XKR4: variants seen among roughly 807,000 people sequenced by gnomAD.
XKR4 encodes the protein XK-related protein 4.
XKR4 carries 12 observed loss-of-function variants against 53.9 expected under a neutral mutation model. That is an observed-to-expected ratio of 0.22 (90% CI 0.14 to 0.36). XKR4 has a LOEUF of 0.36. Ranked by LOEUF, XKR4 falls within the 10% of genes least tolerant of loss-of-function variation. The probability of loss-of-function intolerance (pLI) is 1.00; values close to 1 mark genes in which losing one functional copy is unlikely to be tolerated. For missense variants in XKR4, 799 were observed against 859.5 expected, an observed-to-expected ratio of 0.93 and a Z score of 0.88; for synonymous variants, 354 against 362.4, an observed-to-expected ratio of 0.98 and a Z score of 0.26.
chr8:55,218,507 T>C (rs1352617171), intron 1 of XKR4, among the ~76,000 whole-genome samples: 1 of 152,206 alleles, frequency 6.6e-6, no homozygotes, highest in Non-Finnish European at 1.5e-5. Context: ...AAACAAAAAT[T>C]ACCACCAGAA....
At chr8:55,183,947 T>C (rs1488832383) in intron 1 of XKR4, among the ~76,000 whole-genome samples, 1 of 152,194 alleles carries the variant, frequency 6.6e-6, no homozygotes, top group African/African-American at 2.4e-5. Flanking sequence ...ATGGCTACCT[T>C]TCCCCTCCCC....
chr8:55,344,875 C>A (rs1563328973), intron 1 of XKR4, among the ~76,000 whole-genome samples: 1 of 152,192 alleles, frequency 6.6e-6, no homozygotes, highest in Non-Finnish European at 1.5e-5. Context: ...AGTAACTACT[C>A]ATGTAAAAAA....
Position 55,156,302 on chromosome 8 carries a change from A to G in XKR4, c.806+53008A>G, listed in dbSNP as rs184816990. Among the ~76,000 whole-genome samples, 524 of 152,174 alleles carry G rather than the reference A, an allele frequency of 3.4e-3. 5 individuals are homozygous for G. The highest frequency in any genetic ancestry group is 0.012 in the African/African-American group (492 of 41,498). On this transcript the variant is annotated intron_variant, in intron 1 of 2. Transcript: ENST00000327381. ...GCAATAAATGTAAGAAAAAAACATG[A>G]AAATATGCAATAATTTTGAATCCAA...
chr8:55,396,418 T>TTTTTTTTG (rs1804520025), intron 2 of XKR4, among the ~76,000 whole-genome samples: 2 of 133,154 alleles, frequency 1.5e-5, no homozygotes, highest in African/African-American at 5.2e-5. Flanking sequence ...TTTTTTTTTT[T>TTTTTTTTG]GCAGAGGATG....
chr8:55,377,652 C>A (rs1191552486), intron 2 of XKR4, among the ~76,000 whole-genome samples: 2 of 152,080 alleles, frequency 1.3e-5, no homozygotes, highest in African/African-American at 4.8e-5. Flanking sequence ...AAAACCTGAA[C>A]AACTTGAAAT....
chr8:55,517,028 G>A (rs757427205), intron 2 of XKR4, among the ~76,000 whole-genome samples: 7 of 152,150 alleles, frequency 4.6e-5, no homozygotes, highest in Admixed American at 3.9e-4. Context: ...CTCAGAAAGA[G>A]GAGGTCAAAT....
intron 1 of XKR4, among the ~76,000 whole-genome samples, chr8:55,286,592 G>A (rs945363520): frequency 3.9e-5 from 6 of 152,156 alleles, no homozygotes; most frequent in African/African-American, 1.4e-4. Flanking sequence ...TCCAGCAGCA[G>A]GGCTGTTGGA....
At chr8:55,250,719 G>T (rs1818351483) in intron 1 of XKR4, among the ~76,000 whole-genome samples, 1 of 152,024 alleles carries the variant, frequency 6.6e-6, no homozygotes, top group African/African-American at 2.4e-5. Context: ...ATTTGAAATG[G>T]AAAAAAATGT....
At chr8:55,249,140 C>A (rs1379231926) in intron 1 of XKR4, among the ~76,000 whole-genome samples, 1 of 152,138 alleles carries the variant, frequency 6.6e-6, no homozygotes, top group Non-Finnish European at 1.5e-5. Flanking sequence ...CAAAATGAAG[C>A]CCTCTCAAAG....
At chr8:55,353,107 A>C (rs1438414220) in intron 1 of XKR4, among the ~76,000 whole-genome samples, 1 of 152,224 alleles carries the variant, frequency 6.6e-6, no homozygotes, top group Non-Finnish European at 1.5e-5. Context: ...AGACTTGGAA[A>C]TCATTAAACA....
intron 1 of XKR4, among the ~76,000 whole-genome samples, chr8:55,158,992 A>G (rs1256381957): frequency 6.6e-6 from 1 of 152,058 alleles, no homozygotes; most frequent in Admixed American, 6.6e-5. Flanking sequence ...TGAATTTTAA[A>G]CGTTTTTTTC....
chr8:55,482,560 A>AAAAT (rs140048815), intron 2 of XKR4, among the ~76,000 whole-genome samples: 6 of 151,738 alleles, frequency 4.0e-5, no homozygotes, highest in African/African-American at 4.8e-5. Flanking sequence ...GATAAAATTA[A>AAAAT]AAATAAATAA....
chr8:55,463,769 C>A (rs553718908), intron 2 of XKR4, among the ~76,000 whole-genome samples: 1 of 151,878 alleles, frequency 6.6e-6, no homozygotes. Flanking sequence ...ATCAAATAGA[C>A]GCAATAAAAA....
At chr8:55,122,083 AT>A (rs1816399059) in intron 1 of XKR4, among the ~76,000 whole-genome samples, 3 of 152,240 alleles carry the variant, frequency 2.0e-5, no homozygotes, top group Non-Finnish European at 4.4e-5. Context: ...GAGCTGAATT[AT>A]TTTTATAATT....
At chr8:55,465,747 G>A (rs1805756763) in intron 2 of XKR4, among the ~76,000 whole-genome samples, 1 of 151,788 alleles carries the variant, frequency 6.6e-6, no homozygotes, top group Non-Finnish European at 1.5e-5. Flanking sequence ...TCTGACAAAG[G>A]GCTAATATCC....
intron 1 of XKR4, among the ~76,000 whole-genome samples, chr8:55,111,093 T>C (rs201412432): frequency 1.3e-4 from 20 of 152,242 alleles, no homozygotes; most frequent in Non-Finnish European, 2.2e-4. Flanking sequence ...CTTTTGGGAA[T>C]TGGACTAAAT....
At chr8:55,445,472 G>A (rs1487958272) in intron 2 of XKR4, among the ~76,000 whole-genome samples, 3 of 152,162 alleles carry the variant, frequency 2.0e-5, no homozygotes, top group African/African-American at 4.8e-5. Flanking sequence ...ATATGAATAT[G>A]TCTGCCCCAT....
At chr8:55,340,074 T>C (rs543440257) in intron 1 of XKR4, among the ~76,000 whole-genome samples, 6 of 152,368 alleles carry the variant, frequency 3.9e-5, no homozygotes, top group Middle Eastern at 3.4e-3. Context: ...GCCCATTCTG[T>C]ATTGATTTAT....
intron 1 of XKR4, among the ~76,000 whole-genome samples, chr8:55,224,330 T>C (rs1817924003): frequency 1.3e-5 from 2 of 152,188 alleles, no homozygotes; most frequent in East Asian, 1.9e-4. Flanking sequence ...ATATAGATAA[T>C]TGCGGTTGTG....
Sources: allele counts gnomAD v4.1 joint callset (sites outside exome capture counted in the v4.1 genomes callset), GRCh38; gene constraint gnomAD v4.1.1; transcripts MANE v1.5; gene names NCBI Gene and HGNC (gene_info 2026-07-23, HGNC 2026-07-21).